Variants in INTS12 observed in about 807,000 individuals in gnomAD.
INTS12 encodes the protein PHD finger protein 22.
A neutral mutation model predicts 41.6 loss-of-function variants in INTS12; 13 were observed. The observed-to-expected ratio is 0.31, with a 90% CI of 0.20 to 0.50. The LOEUF is 0.50. Among genes scored for constraint, INTS12 ranks in the 20% least tolerant of loss-of-function variants. The probability of loss-of-function intolerance (pLI) is 0.98; values close to 1 mark genes in which losing one functional copy is unlikely to be tolerated. For synonymous variants in INTS12, 199 were observed against 191.4 expected, an observed-to-expected ratio of 1.04 and a Z score of -0.33; for missense variants, 432 against 541.6, an observed-to-expected ratio of 0.80 and a Z score of 2.01.
At chr4:105,690,458 CAT>C (rs10615792) in intron 6 of INTS12, among the ~76,000 whole-genome samples, 18,670 of 151,302 alleles carry the variant, frequency 0.12, 1,668 homozygotes, top group African/African-American at 0.25. Flanking sequence ...ATTTCAGAGA[CAT>C]ATAAGAGGTA....
intron 1 of INTS12, among the ~76,000 whole-genome samples, chr4:105,704,531 G>T (rs1442475878): frequency 6.6e-6 from 1 of 152,202 alleles, no homozygotes; most frequent in African/African-American, 2.4e-5. Context: ...TCTAAAGTTT[G>T]GGAATTATTG....
intron 2 of INTS12, chr4:105,700,308 G>C (rs1732019228): frequency 5.5e-6 from 1 of 180,294 alleles, no homozygotes; most frequent in Admixed American, 6.2e-5. Context: ...CTTCCTAACT[G>C]TGTTTTAAAA....
chr4:105,708,053 C>T (rs183657785), intron 1 of INTS12: 1 of 985,444 alleles, frequency 1.0e-6, no homozygotes, highest in East Asian at 1.1e-4. Context: ...TTCTTCATGA[C>T]TTCGCAAGCT....
chr4:105,700,036 T>C, intron 2 of INTS12, 22 bp from the exon 3 acceptor site: 1 of 1,442,980 alleles, frequency 6.9e-7, no homozygotes. Context: ...AAAGAGAAAG[T>C]AATCTAGAAG....
intron 6 of INTS12, among the ~76,000 whole-genome samples, chr4:105,689,708 GC>G (rs1731618388): frequency 6.6e-6 from 1 of 151,956 alleles, no homozygotes; most frequent in South Asian, 2.1e-4. Context: ...TTCGAGACCA[GC>G]CCTGGCAATG....
intron 1 of INTS12, among the ~76,000 whole-genome samples, chr4:105,707,341 G>A (rs560007245): frequency 6.8e-6 from 1 of 147,560 alleles, no homozygotes; most frequent in South Asian, 2.1e-4. Flanking sequence ...TGGCACAAGT[G>A]TTATGTCCCC....
chr4:105,683,207 A>G lies in INTS12; in HGVS notation c.915T>C (p.Pro305=), dbSNP rs34072732. ...AFAAKTSSAG[P]STAKLSSTTQ... The stretch of plus-strand genomic sequence containing the variant: ...TTGTTGAACTCAATTTTGCTGTTGA[A>G]GGACCAGCAGAGGAAGTTTTGGCTG... Residue 305 remains proline (P), a synonymous_variant, in exon 8 of 8, where the codon CCT becomes CCC. Transcript: ENST00000340139. The G allele has an allele frequency of 0.059, 95,363 of 1,614,038 alleles. 3,110 individuals carry two copies. Among genetic ancestry groups the G allele is most frequent in the Middle Eastern group, 0.094 (570 of 6,062 alleles).
Position 105,683,246 on chromosome 4 carries a change from T to C in INTS12, c.876A>G (p.Gly292=). 6.2e-7 allele frequency: 1 copy of C among 1,614,040 alleles called. No homozygotes were observed. Among genetic ancestry groups the C allele is most frequent in the East Asian group, 2.2e-5 (1 of 44,876 alleles). ...VSSSVTSGLT[G]WAAFAAKTSS... ...AAGTTTTGGCTGCAAAAGCTGCCCA[T>C]CCAGTTAAGCCACTAGTTACTGACG... Residue 292 remains glycine, a synonymous_variant, in exon 8 of 8, where the codon GGA becomes GGG. Transcript: ENST00000340139.
At chr4:105,697,829 C>A (rs778225895) in intron 3 of INTS12, among the ~76,000 whole-genome samples, 2 of 152,140 alleles carry the variant, frequency 1.3e-5, no homozygotes, top group Non-Finnish European at 2.9e-5. Context: ...GTGGGCAGAT[C>A]ACTTGAGTCC....
chr4:105,698,645 T>C (rs1265407928), intron 3 of INTS12, among the ~76,000 whole-genome samples: 1 of 152,210 alleles, frequency 6.6e-6, no homozygotes, highest in African/African-American at 2.4e-5. Context: ...TGTAGAGCCA[T>C]ATTGATTTGG....
intron 6 of INTS12, among the ~76,000 whole-genome samples, chr4:105,689,589 T>C (rs1239954502): frequency 6.6e-6 from 1 of 152,140 alleles, no homozygotes; most frequent in African/African-American, 2.4e-5. Context: ...CAGACCAGAT[T>C]CACTGTTGAT....
At chr4:105,685,687 T>C (rs893178417) in intron 7 of INTS12, among the ~76,000 whole-genome samples, 6 of 152,134 alleles carry the variant, frequency 3.9e-5, no homozygotes, top group Admixed American at 3.9e-4. Flanking sequence ...TTTTCTTCCA[T>C]ATTTAGTGCT....
At chr4:105,688,108 T>C (rs1211259664) in intron 6 of INTS12, among the ~76,000 whole-genome samples, 2 of 152,248 alleles carry the variant, frequency 1.3e-5, no homozygotes, top group East Asian at 1.9e-4. Context: ...ATTATGATTA[T>C]GTAAGAGTTT....
rs1029199991 is a variant in INTS12, at chr4:105,698,988, T to C, written c.156+862A>G. Among the ~76,000 whole-genome samples, 6 of 152,330 alleles carry C rather than the reference T, an allele frequency of 3.9e-5. No individual in the cohort carries two copies. In the South Asian group the frequency reaches 8.3e-4, roughly 21 times the overall value. On this transcript the variant is annotated intron_variant, in intron 3 of 7. Coordinates refer to ENST00000340139, the MANE Select transcript of INTS12 (RefSeq NM_020395.4). ...ATGTCTTAGTAGGTATTAGGGAATA[T>C]AATAAGAGTTGTCATTCAGTGACAG...
chr4:105,701,603 C>T lies in INTS12; in HGVS notation c.-9-1589G>A, dbSNP rs1217702260. Among the ~76,000 whole-genome samples the T allele has an allele frequency of 2.6e-5, 4 of 152,238 alleles. No individual in the cohort carries two copies. In the East Asian group the frequency reaches 7.7e-4, roughly 29 times the overall value. On this transcript the variant is annotated intron_variant, in intron 2 of 7. Coordinates refer to ENST00000340139, the MANE Select transcript of INTS12 (RefSeq NM_020395.4). ...AGATTAAAAGGGTAAACCTGCCATT[C>T]CCCCAGCATATACAAGGGTAACAGC...
chr4:105,688,963 A>T (rs1358443107), intron 6 of INTS12, among the ~76,000 whole-genome samples: 1 of 152,248 alleles, frequency 6.6e-6, no homozygotes, highest in African/African-American at 2.4e-5. Context: ...TAAAATTTTC[A>T]TTGGATGACT....
In INTS12 at chr4:105,705,904, GTGGAT is replaced by G. The variant is rs1732245768; in HGVS notation, c.-171-2100_-171-2096del. 2.0e-5 allele frequency: 3 copies of G among 152,342 alleles called. No individual in the cohort carries two copies. In the South Asian group the frequency reaches 6.2e-4, roughly 32 times the overall value. 9.4% of individuals were successfully genotyped at this position (152,342 alleles called of 1,614,324 possible). On this transcript the variant is annotated intron_variant, in intron 1 of 7. Transcript: ENST00000340139. ...AATGTAAGTTCCATGAAGGCAGGCA[GTGGAT>G]TGGTCTTGCCTACTGTTGTAACCCC...
intron 7 of INTS12, among the ~76,000 whole-genome samples, chr4:105,684,916 C>G (rs1731450882): frequency 6.6e-6 from 1 of 152,034 alleles, no homozygotes; most frequent in Admixed American, 6.5e-5. Flanking sequence ...AAAGCATGTT[C>G]TATGTGTCTG....
chr4:105,697,096 A>C (rs1271011176), intron 3 of INTS12, among the ~76,000 whole-genome samples: 1 of 152,238 alleles, frequency 6.6e-6, no homozygotes, highest in African/African-American at 2.4e-5. Flanking sequence ...TTTGGGCACA[A>C]GGCCTTTATC....
Sources: allele counts gnomAD v4.1 joint callset (sites outside exome capture counted in the v4.1 genomes callset), GRCh38; gene constraint gnomAD v4.1.1; transcripts MANE v1.5; gene names NCBI Gene and HGNC (gene_info 2026-07-23, HGNC 2026-07-21).